The following TMEM71 variants were observed in gnomAD, a reference collection of about 807,000 sequenced individuals.
TMEM71 encodes the protein transmembrane protein 71.
In TMEM71, 44 loss-of-function variants were observed where a neutral mutation model predicts 38.0. The ratio of observed to expected loss-of-function variants is 1.16; its 90% confidence interval spans 0.91 to 1.49. The LOEUF is 1.49. Ranked by LOEUF, TMEM71 falls within the 40% of genes most tolerant of loss-of-function variation. The pLI is 0.00. For synonymous variants in TMEM71, 133 were observed against 122.5 expected (o/e 1.09, Z -0.56); for missense variants, 367 against 348.6 (o/e 1.05, Z -0.42).
chr8:132,713,962 C>T lies in TMEM71; in HGVS notation c.872+33G>A, dbSNP rs541314217. The T allele has an allele frequency of 3.1e-6, 5 of 1,606,896 alleles. No individual in the cohort carries two copies. In the African/African-American group the frequency reaches 5.4e-5, roughly 17 times the overall value. The stretch of plus-strand genomic sequence containing the variant: ...GATATCAAATTATGATCACCTTGGT[C>T]CAGACAATAATGATGACACAGGCAA... On this transcript the variant is annotated intron_variant, in intron 9 of 9. Coordinates refer to ENST00000677595, the MANE Select transcript of TMEM71 (RefSeq NM_001382403.1).
intron 5 of TMEM71, 81 bp from the exon 6 acceptor site, chr8:132,728,067 C>CA: frequency 9.3e-7 from 1 of 1,076,702 alleles, no homozygotes; most frequent in Non-Finnish European, 1.3e-6. Flanking sequence ...CTGCTCAATG[C>CA]ACAGTTAGTT....
At chr8:132,709,083 T>C (rs1395691661), downstream of TMEM71, among the ~76,000 whole-genome samples, 2 of 152,228 alleles carry the variant, frequency 1.3e-5, no homozygotes, top group African/African-American at 4.8e-5. Context: ...AAACAGTTAG[T>C]ACTATTTCAG....
intron 5 of TMEM71, among the ~76,000 whole-genome samples, chr8:132,743,411 A>G (rs529174759): frequency 6.6e-6 from 1 of 151,978 alleles, no homozygotes; most frequent in East Asian, 1.9e-4. Context: ...TCCTCATCCT[A>G]TTTACCTTTC....
chr8:132,766,655 GT>G, the TMEM71 span, among the ~76,000 whole-genome samples: 99 of 152,160 alleles, frequency 6.5e-4, no homozygotes, highest in East Asian at 0.019. Flanking sequence ...GCCAGGTGTA[GT>G]GGCTTAAGCC....
At chr8:132,755,962 C>T (rs894360512) in intron 3 of TMEM71, among the ~76,000 whole-genome samples, 1 of 152,170 alleles carries the variant, frequency 6.6e-6, no homozygotes, top group Non-Finnish European at 1.5e-5. Context: ...CCTAGTCTAT[C>T]TGACTCTAAA....
chr8:132,721,982 T>A (rs1181564493), intron 7 of TMEM71, 58 bp downstream of exon 7: 4 of 1,404,316 alleles, frequency 2.8e-6, no homozygotes, highest in Non-Finnish European at 4.0e-6. Flanking sequence ...AAATCATCAA[T>A]CAGCTATAGT....
intron 3 of TMEM71, 21 bp from the exon 4 acceptor site, chr8:132,752,018 C>G (rs1563756140): frequency 6.3e-7 from 1 of 1,594,432 alleles, no homozygotes; most frequent in Non-Finnish European, 8.6e-7. Flanking sequence ...AAAGATAACG[C>G]ACTTTAAATC....
chr8:132,724,177 T>C (rs897826079), intron 6 of TMEM71, among the ~76,000 whole-genome samples: 3 of 152,216 alleles, frequency 2.0e-5, no homozygotes, highest in Non-Finnish European at 4.4e-5. Flanking sequence ...GTGCACATAC[T>C]GTCTTGATAA....
Position 132,722,209 on chromosome 8 carries a change from C to A in TMEM71, c.677-94G>T, listed in dbSNP as rs1267729186. 2,521 of 626,362 alleles carry A rather than the reference C, an allele frequency of 4.0e-3. 4 individuals are homozygous for A. The highest frequency in any genetic ancestry group is 9.8e-3 in the South Asian group (454 of 46,420). 38.8% of individuals were successfully genotyped at this position (626,362 alleles called of 1,614,324 possible). The stretch of plus-strand genomic sequence containing the variant: ...CATCTCAAACTTCCCTTGTACCCAC[C>A]AAAAAAAAAAAAAAGTTTTGGAATG... On this transcript the variant is annotated intron_variant, in intron 6 of 9. Coordinates refer to ENST00000677595, the MANE Select transcript of TMEM71 (RefSeq NM_001382403.1).
intron 5 of TMEM71, among the ~76,000 whole-genome samples, chr8:132,741,273 G>C (rs935511523): frequency 6.6e-6 from 1 of 152,232 alleles, no homozygotes; most frequent in South Asian, 2.1e-4. Context: ...TGAGGGAGAA[G>C]AATTGCTTGA....
intron 7 of TMEM71, among the ~76,000 whole-genome samples, chr8:132,716,476 CA>C (rs1826541226): frequency 6.6e-6 from 1 of 152,190 alleles, no homozygotes; most frequent in Admixed American, 6.5e-5. Context: ...CACCCCCTTT[CA>C]AAAACAAGCA....
chr8:132,708,277 G>T (rs1416161523), downstream of TMEM71, among the ~76,000 whole-genome samples: 2 of 152,188 alleles, frequency 1.3e-5, no homozygotes, highest in Non-Finnish European at 2.9e-5. Context: ...CAGGTCCTGT[G>T]CACCTCTGTC....
In TMEM71 at chr8:132,751,800, T is replaced by A. The variant is rs749843979; in HGVS notation, c.299A>T (p.Lys100Met). The A allele has an allele frequency of 1.2e-6, 2 of 1,613,570 alleles. No homozygotes were observed. Among genetic ancestry groups the A allele is most frequent in the South Asian group, 2.2e-5 (2 of 91,060 alleles). Residue 100 changes from lysine (K) to methionine (M), a missense_variant, in exon 4 of 10, where the codon AAG becomes ATG. By Grantham distance (95) the Lys-to-Met change is moderately conservative. Coordinates refer to ENST00000677595, the MANE Select transcript of TMEM71 (RefSeq NM_001382403.1). ...CTCTGCTTACCTAACTAAGTTCTCC[T>A]TATACATAACGCTGGTCTGGGATGG... The part of the protein sequence containing the change: ...LNPSQTSVMY[K>M]ENLVRIFRKK...
At chr8:132,743,584 G>C (rs1221923711) in intron 5 of TMEM71, among the ~76,000 whole-genome samples, 1 of 151,994 alleles carries the variant, frequency 6.6e-6, no homozygotes. Flanking sequence ...TTCAATGTTT[G>C]AGTTCACAAC....
chr8:132,765,014 A>C (rs958341624), upstream of TMEM71, among the ~76,000 whole-genome samples: 1 of 152,218 alleles, frequency 6.6e-6, no homozygotes, highest in African/African-American at 2.4e-5. Context: ...CAGGCTACTA[A>C]TCTAGAAGGA....
At chr8:132,745,193 A>G (rs117842976) in intron 5 of TMEM71, among the ~76,000 whole-genome samples, 1,588 of 152,308 alleles carry the variant, frequency 0.01, 41 homozygotes, top group East Asian at 0.089. Context: ...AATTAAACTA[A>G]AGAACTTCTG....
chr8:132,715,806 T>C (rs533635299), intron 7 of TMEM71, among the ~76,000 whole-genome samples: 124 of 152,372 alleles, frequency 8.1e-4, no homozygotes, highest in African/African-American at 2.9e-3. Flanking sequence ...TGGGTTAGTA[T>C]ATTTTCTTAG....
the TMEM71 span, among the ~76,000 whole-genome samples, chr8:132,769,663 A>G: frequency 7.2e-5 from 11 of 152,232 alleles, no homozygotes; most frequent in Admixed American, 7.2e-4. Context: ...TCTGTCTGTC[A>G]TGTGAGGACA....
intron 7 of TMEM71, among the ~76,000 whole-genome samples, chr8:132,719,030 G>A (rs1437281013): frequency 6.6e-6 from 1 of 152,158 alleles, no homozygotes; most frequent in African/African-American, 2.4e-5. Context: ...TTTTAAAACT[G>A]TTATTCTAAA....
Sources: gnomAD v4.1 joint callset for allele counts (sites outside exome capture counted in the v4.1 genomes callset) on GRCh38, gnomAD v4.1.1 for gene constraint, MANE v1.5 for transcripts, NCBI Gene and HGNC (gene_info 2026-07-23, HGNC 2026-07-21) for gene names.